TTK: variants seen among roughly 807,000 people sequenced by gnomAD.
TTK encodes TTK protein kinase.
Under a neutral mutation model 117.3 loss-of-function variants are expected in TTK, and 59 were observed. The observed-to-expected ratio is 0.50, with a 90% CI of 0.41 to 0.62. TTK has a LOEUF of 0.62. Among genes scored for constraint, TTK ranks in the 20% least tolerant of loss-of-function variants. The pLI is 0.00. For synonymous variants in TTK, 302 were observed against 325.0 expected (o/e 0.93, Z 0.76); for missense variants, 921 against 989.4 (o/e 0.93, Z 0.93).
chr6:80,018,224 T>A (rs1767362261), intron 10 of TTK, among the ~76,000 whole-genome samples: 1 of 152,108 alleles, frequency 6.6e-6, no homozygotes. Flanking sequence ...AAAATATAAT[T>A]GATTTTTACT....
At chr6:80,010,981 C>A (rs1475898634) in intron 5 of TTK, 24 bp downstream of exon 5, 1 of 1,598,886 alleles carries the variant, frequency 6.3e-7, no homozygotes, top group Admixed American at 1.7e-5. Flanking sequence ...TATACTAATA[C>A]TTTCTGTGGT....
chr6:80,005,096 G>A (rs1202761153), intron 1 of TTK, among the ~76,000 whole-genome samples: 1 of 152,140 alleles, frequency 6.6e-6, no homozygotes, highest in Non-Finnish European at 1.5e-5. Context: ...GAGGTGGAGT[G>A]ATACCTTGCT....
At chr6:80,032,646 T>C (rs534619700) in intron 14 of TTK, among the ~76,000 whole-genome samples, 1 of 151,072 alleles carries the variant, frequency 6.6e-6, no homozygotes, top group South Asian at 2.1e-4. Context: ...GAACAAAAAA[T>C]TGGTGCCTCT....
chr6:80,037,090 T>C (rs773594649), intron 17 of TTK, among the ~76,000 whole-genome samples: 2 of 152,142 alleles, frequency 1.3e-5, no homozygotes, highest in Non-Finnish European at 2.9e-5. Context: ...ATAATAGATA[T>C]TGCAACAGCA....
At chr6:80,021,873 G>T (rs1767467618) in intron 10 of TTK, among the ~76,000 whole-genome samples, 1 of 152,112 alleles carries the variant, frequency 6.6e-6, no homozygotes, top group Non-Finnish European at 1.5e-5. Flanking sequence ...TCATGGACAT[G>T]CCTGGTGGGA....
chr6:80,033,096 A>G (rs2127681477), intron 14 of TTK, among the ~76,000 whole-genome samples: 1 of 152,154 alleles, frequency 6.6e-6, no homozygotes, highest in East Asian at 1.9e-4. Context: ...GAGGCTTTGT[A>G]TCCCTTCACC....
At position 80,042,065 on chromosome 6, in the gene TTK, GAC is replaced by G. The variant is rs996421955; in HGVS notation, c.2491-52_2491-51del. The G allele has an allele frequency of 2.8e-6, 3 of 1,058,156 alleles. No individual in the cohort carries two copies. The African/African-American group carries it at 4.8e-5, about 17-fold the overall frequency. The allele number at this position is 1,058,156 out of a possible 1,614,324, so 65.5% of individuals were successfully genotyped here. A position where few individuals can be genotyped will look rare whatever the true frequency, so the allele number is the denominator to read the frequency against. On this transcript the variant is annotated intron_variant, in intron 21 of 21. Coordinates refer to ENST00000369798, the MANE Select transcript of TTK (RefSeq NM_003318.5). ...TACATCAAAATACATCTACTGATGT[GAC>G]AGTACATTTAACTAAAAAATTGCAA...
intron 18 of TTK, among the ~76,000 whole-genome samples, chr6:80,038,310 C>T (rs1490408989): frequency 6.6e-6 from 1 of 152,164 alleles, no homozygotes; most frequent in African/African-American, 2.4e-5. Context: ...CTTTATCTCG[C>T]TACCTCGATG....
In TTK at chr6:80,006,039, A is replaced by G. The variant is rs568996341; in HGVS notation, c.139+57A>G. 3.1e-5 allele frequency: 49 copies of G among 1,557,612 alleles called. No individual in the cohort carries two copies. In the East Asian group the frequency reaches 9.7e-4, roughly 31 times the overall value. Reference sequence around the variant, plus strand: ...TGTTTGTTGGGTATCCTCTAAGGTAAAGATATAGTACTAATCACTTTATTT... The same window carrying G: ...TGTTTGTTGGGTATCCTCTAAGGTAGAGATATAGTACTAATCACTTTATTT... On this transcript the variant is annotated intron_variant, in intron 2 of 21. Coordinates refer to ENST00000369798, the MANE Select transcript of TTK (RefSeq NM_003318.5).
chr6:80,025,910 G>T (rs1175303726), intron 11 of TTK, among the ~76,000 whole-genome samples: 1 of 150,060 alleles, frequency 6.7e-6, no homozygotes, highest in Non-Finnish European at 1.5e-5. Flanking sequence ...ATTTCTACAG[G>T]TTCTGTCTCT....
intron 12 of TTK, among the ~76,000 whole-genome samples, chr6:80,027,423 G>A (rs1013391871): frequency 6.6e-6 from 1 of 152,004 alleles, no homozygotes; most frequent in Non-Finnish European, 1.5e-5. Context: ...AGGTGTTGAG[G>A]ATATATTAAT....
At position 80,022,131 on chromosome 6, in the gene TTK, A is replaced by T. The variant is rs58994905; in HGVS notation, c.1109-193A>T. 8.5e-4 allele frequency among the ~76,000 whole-genome samples: 129 copies of T among 152,352 alleles called. 4 individuals carry two copies. In the East Asian group the frequency reaches 0.024, roughly 29 times the overall value. ...AGTAACAATGTAGGAAGATGACTATAGTGCAACTTTGTGAAATTGACTTGC... is the reference window on the plus strand; with the variant it reads ...AGTAACAATGTAGGAAGATGACTATTGTGCAACTTTGTGAAATTGACTTGC... On this transcript the variant is annotated intron_variant, in intron 10 of 21. Coordinates refer to ENST00000369798, the MANE Select transcript of TTK (RefSeq NM_003318.5).
chr6:80,005,928 A>T lies in TTK; in HGVS notation c.85A>T (p.Asn29Tyr). The T allele has an allele frequency of 6.2e-7, 1 of 1,612,698 alleles. No individual in the cohort carries two copies. Among genetic ancestry groups the T allele is most frequent in the Non-Finnish European group, 8.5e-7 (1 of 1,179,616 alleles). Residue 29 changes from asparagine (N) to tyrosine (Y), a missense_variant, in exon 2 of 22, where the codon AAT (asparagine) becomes TAT (tyrosine). By Grantham distance (143) the Asn-to-Tyr change is moderately radical. Coordinates refer to ENST00000369798, the MANE Select transcript of TTK (RefSeq NM_003318.5). ...KVRDIKNKFK[N>Y]EDLTDELSLN... ...GAGAGACATTAAAAATAAGTTTAAA[A>T]ATGAAGACCTTACTGATGAACTAAG... is the stretch of plus-strand genomic sequence containing the variant.
In TTK at chr6:80,022,223, G is replaced by T. The variant is rs1436374768; in HGVS notation, c.1109-101G>T. The T allele has an allele frequency of 4.1e-6, 5 of 1,229,966 alleles. No homozygotes were observed. In the East Asian group the frequency reaches 1.0e-4, roughly 25 times the overall value. 76.2% of individuals were successfully genotyped at this position (1,229,966 alleles called of 1,614,324 possible). ...TCTCTCCCTCCTTGATTGTTTTTAA[G>T]AACTAAATACTCATATAGTTTGTAA... On this transcript the variant is annotated intron_variant, in intron 10 of 21. Transcript: ENST00000369798.
In TTK at chr6:80,027,563, C is replaced by T. The variant is rs569160867; in HGVS notation, c.1395-322C>T. Among the ~76,000 whole-genome samples, 62 of 152,160 alleles carry T rather than the reference C, an allele frequency of 4.1e-4. 1 individual carries two copies. The highest frequency in any genetic ancestry group is 8.2e-4 in the Non-Finnish European group (56 of 67,994). On this transcript the variant is annotated intron_variant, in intron 12 of 21. Coordinates refer to ENST00000369798, the MANE Select transcript of TTK (RefSeq NM_003318.5). ...TAGAACATTATTGTTTAAAAAAAAACTCAAAATCTATGGCCGGCCACAAGC... is the reference window on the plus strand; with the variant it reads ...TAGAACATTATTGTTTAAAAAAAAATTCAAAATCTATGGCCGGCCACAAGC...
At position 80,039,836 on chromosome 6, in the gene TTK, C is replaced by T. The variant is rs146944406; in HGVS notation, c.2271C>T (p.Pro757=). The T allele has an allele frequency of 1.1e-5, 18 of 1,578,924 alleles. No individual in the cohort carries two copies. Among genetic ancestry groups the T allele is most frequent in the East Asian group, 9.2e-5 (4 of 43,368 alleles). The change falls in exon 19 of 22, where the codon CCC becomes CCT. Residue 757 remains proline, a synonymous_variant. Coordinates refer to ENST00000369798, the MANE Select transcript of TTK (RefSeq NM_003318.5). ...ATCCTAATCATGAAATTGAATTTCCCGATATTCCAGAGAAAGATCTTCAAG... is the reference window on the plus strand; with the variant it reads ...ATCCTAATCATGAAATTGAATTTCCTGATATTCCAGAGAAAGATCTTCAAG... ...IIDPNHEIEF[P]DIPEKDLQDV...
At position 80,027,867 on chromosome 6, in the gene TTK, T is replaced by C. The variant is rs776446706; in HGVS notation, c.1395-18T>C. 3.4e-6 allele frequency: 5 copies of C among 1,465,546 alleles called. No individual in the cohort carries two copies. In the South Asian group the frequency reaches 5.5e-5, roughly 16 times the overall value. The allele number at this position is 1,465,546 out of a possible 1,614,324, so 90.8% of individuals were successfully genotyped here. ...TAAATTGTAATGTTTTAAATAAAAATATATATATATTTCCTAGTTTTAGAA... is the reference window on the plus strand; with the variant it reads ...TAAATTGTAATGTTTTAAATAAAAACATATATATATTTCCTAGTTTTAGAA... On this transcript the variant is annotated intron_variant, in intron 12 of 21. Coordinates refer to ENST00000369798, the MANE Select transcript of TTK (RefSeq NM_003318.5).
chr6:80,036,425 C>A, intron 16 of TTK, 50 bp from the exon 17 acceptor site: 3 of 1,534,848 alleles, frequency 2.0e-6, no homozygotes, highest in East Asian at 2.3e-5. Flanking sequence ...TTTTTTGGTC[C>A]TTAGAATGTT....
In TTK at chr6:80,022,041, T is replaced by A. The variant is rs554259723; in HGVS notation, c.1109-283T>A. Among the ~76,000 whole-genome samples, 26 of 152,368 alleles carry A rather than the reference T, an allele frequency of 1.7e-4. No individual in the cohort carries two copies. In the South Asian group the frequency reaches 5.2e-3, roughly 30 times the overall value. ...AGACTTTATAACATCTATATGTTTT[T>A]AAATTTTTACTTATTTATTGGTAAA... On this transcript the variant is annotated intron_variant, in intron 10 of 21. Coordinates refer to ENST00000369798, the MANE Select transcript of TTK (RefSeq NM_003318.5).
Sources: allele counts gnomAD v4.1 joint callset (sites outside exome capture counted in the v4.1 genomes callset), GRCh38; gene constraint gnomAD v4.1.1; transcripts MANE v1.5; gene names NCBI Gene and HGNC (gene_info 2026-07-23, HGNC 2026-07-21).